Variants in DOCK4 observed in about 807,000 individuals in gnomAD.
DOCK4 encodes the protein dedicator of cytokinesis protein 4.
DOCK4 carries 97 observed loss-of-function variants against 268.1 expected under a neutral mutation model. That is an observed-to-expected ratio of 0.36 (90% CI 0.31 to 0.43). The LOEUF (loss-of-function observed/expected upper bound fraction) is 0.43. Ranked by LOEUF, DOCK4 falls within the 20% of genes least tolerant of loss-of-function variation. The probability of loss-of-function intolerance (pLI) is 1.00; values close to 1 mark genes in which losing one functional copy is unlikely to be tolerated. For synonymous variants in DOCK4, 954 were observed against 887.2 expected (o/e 1.08, Z -1.34); for missense variants, 2,145 against 2,455.7 (o/e 0.87, Z 2.67).
intron 42 of DOCK4, among the ~76,000 whole-genome samples, chr7:111,752,884 C>G (rs1796766998): frequency 6.6e-6 from 1 of 151,160 alleles, no homozygotes; most frequent in Non-Finnish European, 1.5e-5. Flanking sequence ...TGGCACCCAG[C>G]TGAAATGAGC....
chr7:112,081,396 C>G (rs916031411), intron 1 of DOCK4, among the ~76,000 whole-genome samples: 7 of 152,092 alleles, frequency 4.6e-5, no homozygotes, highest in African/African-American at 1.4e-4. Context: ...AGTCACAAAT[C>G]AGGGTGGCTT....
intron 13 of DOCK4, among the ~76,000 whole-genome samples, chr7:111,908,498 T>C (rs1487848105): frequency 7.2e-6 from 1 of 138,510 alleles, no homozygotes; most frequent in Non-Finnish European, 1.5e-5. Flanking sequence ...TGCTTACTTC[T>C]CTTTTTGTCA....
chr7:112,155,380 T>C (rs1816523481), intron 1 of DOCK4, among the ~76,000 whole-genome samples: 1 of 152,158 alleles, frequency 6.6e-6, no homozygotes, highest in Admixed American at 6.5e-5. Context: ...TTCCCACTAA[T>C]TCCTCCCCAT....
At chr7:111,844,072 C>T (rs958189326) in intron 25 of DOCK4, among the ~76,000 whole-genome samples, 7 of 152,106 alleles carry the variant, frequency 4.6e-5, no homozygotes, top group Admixed American at 1.3e-4. Context: ...GTCAGGAGCT[C>T]GAGATCAGCC....
At chr7:111,770,487 C>T (rs1798065179) in intron 36 of DOCK4, among the ~76,000 whole-genome samples, 1 of 152,132 alleles carries the variant, frequency 6.6e-6, no homozygotes, top group Non-Finnish European at 1.5e-5. Context: ...TTTCCATATA[C>T]ACATAAGTGG....
chr7:111,741,501 G>A, intron 46 of DOCK4, 39 bp downstream of exon 46: 2 of 1,605,836 alleles, frequency 1.2e-6, no homozygotes, highest in Non-Finnish European at 1.7e-6. Context: ...CAGCTTGCGG[G>A]TGAGGCCAAA....
At chr7:112,012,589 C>T (rs963231774) in intron 1 of DOCK4, among the ~76,000 whole-genome samples, 6 of 151,926 alleles carry the variant, frequency 3.9e-5, no homozygotes, top group African/African-American at 1.5e-4. Context: ...TCCCACAATC[C>T]AAATGAAAAA....
Position 112,066,633 on chromosome 7 carries a change from TAC to T in DOCK4, c.38-62504_38-62503del, listed in dbSNP as rs1432500756. Among the ~76,000 whole-genome samples the T allele has an allele frequency of 2.0e-3, 246 of 125,214 alleles. 3 individuals carry two copies. Among genetic ancestry groups the T allele is most frequent in the African/African-American group, 7.3e-3 (220 of 30,176 alleles). 82.1% of individuals were successfully genotyped at this position (125,214 alleles called of 152,430 possible). A position where few individuals can be genotyped will look rare whatever the true frequency, so the allele number is the denominator to read the frequency against. On this transcript the variant is annotated intron_variant, in intron 1 of 52. Transcript: ENST00000428084. The stretch of plus-strand genomic sequence containing the variant: ...GTGTATACATATATACGTGTATATA[TAC>T]ACACATATACATATATACACATATT...
At chr7:111,889,768 T>G (rs2134342917) in intron 16 of DOCK4, among the ~76,000 whole-genome samples, 1 of 152,328 alleles carries the variant, frequency 6.6e-6, no homozygotes, top group South Asian at 2.1e-4. Flanking sequence ...CATATTAAAT[T>G]AATCCCTCTC....
chr7:111,992,814 T>C (rs1271850096), intron 5 of DOCK4, among the ~76,000 whole-genome samples: 1 of 152,218 alleles, frequency 6.6e-6, no homozygotes, highest in Non-Finnish European at 1.5e-5. Flanking sequence ...AATGCAGTGG[T>C]TTGAGCATTT....
At chr7:111,778,165 A>C in intron 36 of DOCK4, 111 bp downstream of exon 36, 1 of 663,924 alleles carries the variant, frequency 1.5e-6, no homozygotes, top group South Asian at 2.3e-5. Flanking sequence ...ATAAATTTTA[A>C]TTTTAAAGTA....
intron 6 of DOCK4, among the ~76,000 whole-genome samples, chr7:111,985,658 G>C (rs10267933): frequency 0.43 from 65,662 of 152,072 alleles, 18,458 homozygotes; most frequent in African/African-American, 0.81. Context: ...CTTTCAGATA[G>C]TAAAACAGTT....
intron 15 of DOCK4, among the ~76,000 whole-genome samples, chr7:111,898,629 T>C (rs545772467): frequency 5.3e-5 from 8 of 152,352 alleles, no homozygotes; most frequent in African/African-American, 1.4e-4. Context: ...GTTTCATGAA[T>C]AACTGATGTT....
chr7:111,831,935 T>G (rs1802844309), intron 26 of DOCK4, among the ~76,000 whole-genome samples: 2 of 152,152 alleles, frequency 1.3e-5, no homozygotes, highest in South Asian at 4.1e-4. Context: ...CTATATTCTA[T>G]CAAATGATCA....
intron 8 of DOCK4, among the ~76,000 whole-genome samples, chr7:111,962,838 A>G (rs1031676841): frequency 4.6e-5 from 7 of 152,230 alleles, no homozygotes; most frequent in African/African-American, 1.7e-4. Flanking sequence ...AGTTACAAGC[A>G]GACAGGAAAC....
At chr7:112,100,299 T>C (rs748115868) in intron 1 of DOCK4, among the ~76,000 whole-genome samples, 16 of 152,230 alleles carry the variant, frequency 1.1e-4, no homozygotes, top group Non-Finnish European at 1.8e-4. Context: ...TGTTTTGAGA[T>C]CTCTGGCACT....
chr7:111,933,291 T>TACATATATAC (rs1794408985), intron 12 of DOCK4, among the ~76,000 whole-genome samples: 1 of 118,796 alleles, frequency 8.4e-6, no homozygotes, highest in African/African-American at 3.4e-5. Flanking sequence ...TATATATATA[T>TACATATATAC]ATATATATTT....
At chr7:111,764,093 T>G (rs1797622889) in intron 39 of DOCK4, among the ~76,000 whole-genome samples, 1 of 152,216 alleles carries the variant, frequency 6.6e-6, no homozygotes, top group African/African-American at 2.4e-5. Context: ...TCTCTTTTAA[T>G]GCAACAAGGA....
intron 8 of DOCK4, among the ~76,000 whole-genome samples, chr7:111,950,791 C>CAT (rs1795994095): frequency 6.6e-6 from 1 of 152,176 alleles, no homozygotes; most frequent in Non-Finnish European, 1.5e-5. Context: ...CAGATTATTC[C>CAT]ATTTAATGCT....
Sources: gnomAD v4.1 joint callset for allele counts (sites outside exome capture counted in the v4.1 genomes callset) on GRCh38, gnomAD v4.1.1 for gene constraint, MANE v1.5 for transcripts, NCBI Gene and HGNC (gene_info 2026-07-23, HGNC 2026-07-21) for gene names.